PTPRG: variants seen among roughly 807,000 people sequenced by gnomAD.
PTPRG encodes the protein receptor-type tyrosine-protein phosphatase gamma.
PTPRG carries 102 observed loss-of-function variants against 165.3 expected under a neutral mutation model. That is an observed-to-expected ratio of 0.62 (90% CI 0.53 to 0.73). The LOEUF (loss-of-function observed/expected upper bound fraction) is 0.73, where lower values mean the gene tolerates loss of function less well. Among genes scored for constraint, PTPRG ranks in the 30% least tolerant of loss-of-function variants. PTPRG has a pLI of 0.00. For synonymous variants in PTPRG, 675 were observed against 669.5 expected (o/e 1.01, Z -0.13); for missense variants, 1,866 against 1,861.4 (o/e 1.00, Z -0.05).
intron 1 of PTPRG, among the ~76,000 whole-genome samples, chr3:61,598,319 C>T (rs955810273): frequency 2.6e-5 from 4 of 152,078 alleles, no homozygotes; most frequent in Non-Finnish European, 1.5e-5. Flanking sequence ...AAGGAGTGGG[C>T]CAAGAAAGTA....
intron 1 of PTPRG, among the ~76,000 whole-genome samples, chr3:61,626,002 G>A (rs1168713556): frequency 7.0e-6 from 1 of 142,650 alleles, no homozygotes; most frequent in African/African-American, 2.8e-5. Flanking sequence ...GTCCCAACAG[G>A]GTTTGTTTGT....
intron 2 of PTPRG, among the ~76,000 whole-genome samples, chr3:61,960,677 G>C (rs188327708): frequency 6.6e-6 from 1 of 152,038 alleles, no homozygotes; most frequent in African/African-American, 2.4e-5. Context: ...TGATGAGTAG[G>C]TTAGGCAATT....
rs571502707 is a variant in PTPRG, at chr3:62,227,004, A to G, written c.2289-4221A>G. Among the ~76,000 whole-genome samples, 6 of 152,320 alleles carry G rather than the reference A, an allele frequency of 3.9e-5. No homozygotes were observed. The East Asian group carries it at 1.2e-3, about 29-fold the overall frequency. ...GGATGTTCAGTGGGAGACAGAGTGTAATAAATATGAAGGGATGCAAACCGC... is the reference window on the plus strand; with the variant it reads ...GGATGTTCAGTGGGAGACAGAGTGTGATAAATATGAAGGGATGCAAACCGC... On this transcript the variant is annotated intron_variant, in intron 13 of 29. Transcript: ENST00000474889.
At chr3:61,858,453 C>T (rs2037174019) in intron 2 of PTPRG, among the ~76,000 whole-genome samples, 1 of 152,070 alleles carries the variant, frequency 6.6e-6, no homozygotes, top group Non-Finnish European at 1.5e-5. Context: ...ATTTGCTTTG[C>T]AAAACAAACC....
rs1479054026 is a variant in PTPRG at position 62,271,567 on chromosome 3, G to T, written c.3182+12G>T. The T allele has an allele frequency of 6.2e-7, 1 of 1,608,166 alleles. No homozygotes were observed. The highest frequency in any genetic ancestry group is 1.3e-5 in the African/African-American group (1 of 74,806). ...TTGGTGCACTGCAGGTAGGGTCTAGGATTCAACATGTGAAATAGATGGGGC... is the reference window on the plus strand; with the variant it reads ...TTGGTGCACTGCAGGTAGGGTCTAGTATTCAACATGTGAAATAGATGGGGC... On this transcript the variant is annotated intron_variant, in intron 21 of 29. Transcript: ENST00000474889. This position sits in a 1 kb window ranked among gnomAD's most constrained non-coding sequence, Gnocchi z 4.1.
intron 2 of PTPRG, among the ~76,000 whole-genome samples, chr3:61,917,116 C>T (rs556489974): frequency 2.0e-5 from 3 of 152,222 alleles, no homozygotes; most frequent in Non-Finnish European, 4.4e-5. Context: ...GCCGCCAATG[C>T]TTTTTGCGTC....
At chr3:62,072,613 GTA>G (rs200238280) in intron 4 of PTPRG, among the ~76,000 whole-genome samples, 3,714 of 141,522 alleles carry the variant, frequency 0.026, 128 homozygotes, top group African/African-American at 0.091. Context: ...ATATATATGT[GTA>G]TGTGTGTGTG....
chr3:61,748,726 G>GTTTTT, intron 1 of PTPRG, 152 bp from the exon 2 acceptor site: 3 of 507,024 alleles, frequency 5.9e-6, no homozygotes, highest in South Asian at 2.5e-5. Context: ...CTTTCCTATA[G>GTTTTT]TTTTTTTTTT....
At position 61,562,123 on chromosome 3, in the gene PTPRG, GCGGCTTCCCGGATTCCAA is replaced by G; in HGVS notation, c.-164_-147del. 1.7e-6 allele frequency: 1 copy of G among 586,902 alleles called. No homozygotes were observed. The highest frequency in any genetic ancestry group is 3.0e-6 in the Non-Finnish European group (1 of 330,844). The allele number at this position is 586,902 out of a possible 1,614,324, so 36.4% of individuals were successfully genotyped here. A position where few individuals can be genotyped will look rare whatever the true frequency, so the allele number is the denominator to read the frequency against. On this transcript the variant is annotated 5_prime_UTR_variant, in exon 1 of 30. Coordinates refer to ENST00000474889, the MANE Select transcript of PTPRG (RefSeq NM_002841.4). ...TTTGAGATTTTCCGGGGGGCGCTCG[GCGGCTTCCCGGATTCCAA>G]GGGGACTCGGGCCGCCGAGCGCGGG... is the stretch of plus-strand genomic sequence containing the variant.
intron 1 of PTPRG, among the ~76,000 whole-genome samples, chr3:61,731,050 A>G (rs1009863191): frequency 2.6e-5 from 4 of 152,166 alleles, no homozygotes; most frequent in African/African-American, 9.7e-5. Context: ...GCATTATTCA[A>G]TGCCAAGCCA....
intron 2 of PTPRG, among the ~76,000 whole-genome samples, chr3:61,782,246 TAAAG>T (rs1448117812): frequency 2.0e-5 from 3 of 152,198 alleles, no homozygotes; most frequent in Admixed American, 6.5e-5. Context: ...TAAACTTGCT[TAAAG>T]ATGAGCTTAC....
chr3:62,103,963 AAAATCATAAATG>A (rs1398299793), intron 5 of PTPRG, among the ~76,000 whole-genome samples: 7 of 152,250 alleles, frequency 4.6e-5, no homozygotes, highest in Non-Finnish European at 1.5e-5. Context: ...CTGTTGCAAT[AAAATCATAAATG>A]AAATAAAAGC....
intron 8 of PTPRG, among the ~76,000 whole-genome samples, chr3:62,189,007 A>G (rs1052302504): frequency 1.3e-5 from 2 of 151,996 alleles, no homozygotes; most frequent in African/African-American, 4.8e-5. Context: ...GGAGTATTTA[A>G]AAACAGTAGG....
rs540508814 is a variant in PTPRG at position 61,621,302 on chromosome 3, G to A, written c.85+58930G>A. Among the ~76,000 whole-genome samples, 44 of 152,128 alleles carry A rather than the reference G, an allele frequency of 2.9e-4. No individual in the cohort carries two copies. The South Asian group carries it at 6.4e-3, about 22-fold the overall frequency. On this transcript the variant is annotated intron_variant, in intron 1 of 29. Coordinates refer to ENST00000474889, the MANE Select transcript of PTPRG (RefSeq NM_002841.4). ...GGCTGGCACTGGAGAATGTTGGGCC[G>A]TCCTTCCTTCCATCCTGCAGGGATC...
rs1703320617 is a variant in PTPRG at position 61,678,634 on chromosome 3, A to T, written c.86-70244A>T. On this transcript the variant is annotated intron_variant, in intron 1 of 29. Transcript: ENST00000474889. ...GTTCCCTGGCCGAGAGATCAACGTGAATTTCCCATCCTGGCTTCCAGGCGT... is the reference window on the plus strand; with the variant it reads ...GTTCCCTGGCCGAGAGATCAACGTGTATTTCCCATCCTGGCTTCCAGGCGT... Among the ~76,000 whole-genome samples, 8 of 152,090 alleles carry T rather than the reference A, an allele frequency of 5.3e-5. No homozygotes were observed. The South Asian group carries it at 1.7e-3, about 32-fold the overall frequency.
chr3:62,257,361 TAATTAAAAACA>T (rs1443937315), intron 16 of PTPRG, among the ~76,000 whole-genome samples: 1 of 152,208 alleles, frequency 6.6e-6, no homozygotes, highest in African/African-American at 2.4e-5. Context: ...AGATTTTGTG[TAATTAAAAACA>T]AAATTGTATT....
chr3:61,842,026 A>C (rs1330896531), intron 2 of PTPRG, among the ~76,000 whole-genome samples: 1 of 152,206 alleles, frequency 6.6e-6, no homozygotes, highest in African/African-American at 2.4e-5. Flanking sequence ...AGTATACAAG[A>C]AATGAAAGCC....
At chr3:61,610,893 A>G (rs1281316641) in intron 1 of PTPRG, among the ~76,000 whole-genome samples, 2 of 151,432 alleles carry the variant, frequency 1.3e-5, no homozygotes, top group Non-Finnish European at 2.9e-5. Flanking sequence ...TGCACTGTCT[A>G]CCTTCTGGGT....
intron 9 of PTPRG, among the ~76,000 whole-genome samples, chr3:62,192,846 A>C (rs922404765): frequency 6.6e-6 from 1 of 152,234 alleles, no homozygotes; most frequent in Non-Finnish European, 1.5e-5. Flanking sequence ...TGAAAAATGC[A>C]GTAGCACCAA....
Sources: gnomAD v4.1 joint callset for allele counts (sites outside exome capture counted in the v4.1 genomes callset) on GRCh38, gnomAD v4.1.1 for gene constraint, Gnocchi (gnomAD v3.1) non-coding constraint, MANE v1.5 for transcripts, NCBI Gene and HGNC (gene_info 2026-07-23, HGNC 2026-07-21) for gene names.